F13A1: variants seen among roughly 807,000 people sequenced by gnomAD.
F13A1 encodes coagulation factor XIII A chain.
Under a neutral mutation model 80.1 loss-of-function variants are expected in F13A1, and 47 were observed. The observed-to-expected ratio is 0.59, with a 90% confidence interval of 0.46 to 0.75. The LOEUF (loss-of-function observed/expected upper bound fraction) is 0.75, where lower values mean the gene tolerates loss of function less well. F13A1 is among the 30% of genes least tolerant of loss of function. The pLI is 0.00. For synonymous variants in F13A1, 349 were observed against 344.9 expected (o/e 1.01, Z -0.13); for missense variants, 817 against 930.4 (o/e 0.88, Z 1.59).
intron 10 of F13A1, among the ~76,000 whole-genome samples, chr6:6,186,653 G>A (rs553163794): frequency 2.0e-5 from 3 of 152,324 alleles, no homozygotes; most frequent in South Asian, 4.1e-4. Flanking sequence ...AAGTCAGGTA[G>A]TGTGATGCCT....
At chr6:6,165,142 GCT>G (rs1431281808) in intron 13 of F13A1, among the ~76,000 whole-genome samples, 3 of 152,158 alleles carry the variant, frequency 2.0e-5, no homozygotes, top group Non-Finnish European at 2.9e-5. Context: ...TCTCTCTCAT[GCT>G]CTCTTCCCTA....
At chr6:6,293,138 C>T (rs1043480801) in intron 3 of F13A1, among the ~76,000 whole-genome samples, 1 of 152,076 alleles carries the variant, frequency 6.6e-6, no homozygotes, top group East Asian at 1.9e-4. Flanking sequence ...GACCTGGACA[C>T]CCCCAGGTTC....
At chr6:6,164,759 A>C (rs1177120679) in intron 13 of F13A1, among the ~76,000 whole-genome samples, 47 of 116,288 alleles carry the variant, frequency 4.0e-4, no homozygotes, top group East Asian at 7.4e-4. Context: ...TCTCCTCTCC[A>C]TCTTCCCCTC....
At chr6:6,152,026 T>C in intron 13 of F13A1, 77 bp from the exon 14 acceptor site, 1 of 1,553,334 alleles carries the variant, frequency 6.4e-7, no homozygotes, top group Non-Finnish European at 8.8e-7. Flanking sequence ...CATCATCACT[T>C]TTACTAGAGT....
Position 6,266,793 on chromosome 6 carries a change from C to T in F13A1, c.336G>A (p.Glu112=), listed in dbSNP as rs763449134. 89 of 1,614,062 alleles carry T rather than the reference C, an allele frequency of 5.5e-5. No homozygotes were observed. Among genetic ancestry groups the T allele is most frequent in the Non-Finnish European group, 6.6e-5 (78 of 1,180,040 alleles). ...GCACTGGGATGTAGGTTCCCTTGTT[C>T]TCCTGTGGGTAGCGACCTATGAGAA... The part of the protein sequence containing the change: ...VEYVIGRYPQ[E]NKGTYIPVPI... The change falls in exon 4 of 15, where the codon GAG becomes GAA. Residue 112 remains glutamate (E), a synonymous_variant. Coordinates refer to ENST00000264870, the MANE Select transcript of F13A1 (RefSeq NM_000129.4).
chr6:6,301,329 G>A (rs190623870), intron 3 of F13A1, among the ~76,000 whole-genome samples: 35 of 152,182 alleles, frequency 2.3e-4, no homozygotes, highest in Admixed American at 5.2e-4. Context: ...CACGCCCCTC[G>A]AAGTGTGCTT....
intron 8 of F13A1, chr6:6,206,655 C>T: frequency 4.6e-6 from 2 of 438,580 alleles, no homozygotes; most frequent in South Asian, 3.4e-5. Context: ...CTTCAAAGAG[C>T]AATGCCCCCT....
chr6:6,244,050 C>T (rs913059960), intron 6 of F13A1, among the ~76,000 whole-genome samples: 5 of 152,198 alleles, frequency 3.3e-5, no homozygotes, highest in Non-Finnish European at 7.4e-5. Flanking sequence ...TCCCCAGAAC[C>T]ATGCTGCCCT....
rs1757612947 is a variant in F13A1 at position 6,250,337 on chromosome 6, T to C, written c.690+474A>G. 6.6e-6 allele frequency among the ~76,000 whole-genome samples: 1 copy of C among 151,684 alleles called. No individual in the cohort carries two copies. The highest frequency in any genetic ancestry group is 2.1e-4 in the South Asian group (1 of 4,818). ...TTGCAGCTGATAAAATCTTTCTATG[T>C]AAAAGCTCAGTGGCCCTTCCTTTGA... is the stretch of plus-strand genomic sequence containing the variant. On this transcript the variant is annotated intron_variant, in intron 5 of 14. Coordinates refer to ENST00000264870, the MANE Select transcript of F13A1 (RefSeq NM_000129.4). The surrounding 1 kb of genome is among the most constrained non-coding windows in gnomAD (Gnocchi z 4.2).
At chr6:6,288,621 T>G (rs184674742) in intron 3 of F13A1, among the ~76,000 whole-genome samples, 15 of 152,344 alleles carry the variant, frequency 9.8e-5, no homozygotes, top group Non-Finnish European at 2.1e-4. Flanking sequence ...AACATGAGAC[T>G]ACATACATCT....
chr6:6,308,371 C>T (rs1758542386), intron 2 of F13A1, among the ~76,000 whole-genome samples: 1 of 151,004 alleles, frequency 6.6e-6, no homozygotes, highest in Non-Finnish European at 1.5e-5. Flanking sequence ...ATCCAACGCT[C>T]TGTTTTGGAA....
chr6:6,197,136 C>T lies in F13A1; in HGVS notation c.1216+87G>A, dbSNP rs1006818702. 131 of 1,256,120 alleles carry T rather than the reference C, an allele frequency of 1.0e-4. 1 individual carries two copies. In the Middle Eastern group the frequency reaches 1.8e-3, roughly 17 times the overall value. 77.8% of individuals were successfully genotyped at this position (1,256,120 alleles called of 1,614,324 possible). The stretch of plus-strand genomic sequence containing the variant: ...ACTTCAGATGTTGCCTCCCAATGGG[C>T]GTGGTTCCCACACATCAAATGCAAG... On this transcript the variant is annotated intron_variant, in intron 9 of 14. Coordinates refer to ENST00000264870, the MANE Select transcript of F13A1 (RefSeq NM_000129.4).
intron 5 of F13A1, among the ~76,000 whole-genome samples, chr6:6,249,669 T>A (rs1299703467): frequency 6.6e-6 from 1 of 152,164 alleles, no homozygotes; most frequent in African/African-American, 2.4e-5. Flanking sequence ...ATCTATAGAT[T>A]GTCATATTTG....
intron 3 of F13A1, among the ~76,000 whole-genome samples, chr6:6,293,789 G>GT (rs1491345981): frequency 1.4e-5 from 1 of 72,626 alleles, no homozygotes; most frequent in Non-Finnish European, 2.9e-5. Context: ...GAGAGAGGGA[G>GT]GGAGGGAGGG....
chr6:6,175,723 G>A (rs977846973), intron 11 of F13A1, among the ~76,000 whole-genome samples: 2 of 152,228 alleles, frequency 1.3e-5, no homozygotes, highest in African/African-American at 4.8e-5. Context: ...AGTTTTTTGA[G>A]GGACATCTGT....
chr6:6,270,416 G>A (rs1366739807), intron 3 of F13A1, among the ~76,000 whole-genome samples: 1 of 152,294 alleles, frequency 6.6e-6, no homozygotes, highest in Middle Eastern at 3.4e-3. Context: ...TGAAAACATA[G>A]GAAGTTTGTA....
At chr6:6,234,140 G>C (rs1436811919) in intron 6 of F13A1, among the ~76,000 whole-genome samples, 1 of 152,000 alleles carries the variant, frequency 6.6e-6, no homozygotes, top group Non-Finnish European at 1.5e-5. Flanking sequence ...CATCCAAATA[G>C]GTAAAGAGGA....
chr6:6,306,749 T>C (rs1050797297), intron 2 of F13A1, among the ~76,000 whole-genome samples: 1 of 152,266 alleles, frequency 6.6e-6, no homozygotes, highest in Non-Finnish European at 1.5e-5. Flanking sequence ...TGATTTGCCT[T>C]CATGGCTATA....
At chr6:6,249,496 A>G (rs1757601127) in intron 5 of F13A1, among the ~76,000 whole-genome samples, 2 of 152,188 alleles carry the variant, frequency 1.3e-5, no homozygotes, top group Non-Finnish European at 2.9e-5. Flanking sequence ...TGGCCAAAGG[A>G]TACACACCAA....
Sources: gnomAD v4.1 joint callset for allele counts (sites outside exome capture counted in the v4.1 genomes callset) on GRCh38, gnomAD v4.1.1 for gene constraint, Gnocchi (gnomAD v3.1) non-coding constraint, MANE v1.5 for transcripts, NCBI Gene and HGNC (gene_info 2026-07-23, HGNC 2026-07-21) for gene names.